SLCO5A1: variants seen among roughly 807,000 people sequenced by gnomAD.
SLCO5A1 encodes organic anion transporter polypeptide-related protein 4.
A neutral mutation model predicts 65.1 loss-of-function variants in SLCO5A1; 39 were observed. The ratio of observed to expected loss-of-function variants is 0.60; its 90% CI spans 0.46 to 0.78. SLCO5A1 has a LOEUF of 0.78. SLCO5A1 is among the 30% of genes least tolerant of loss of function. The pLI is 0.00. For missense variants in SLCO5A1, 1,029 were observed against 1,069.4 expected (o/e 0.96, Z 0.53); for synonymous variants, 438 against 415.7 (o/e 1.05, Z -0.65).
intron 4 of SLCO5A1, among the ~76,000 whole-genome samples, chr8:69,753,128 C>T (rs552919469): frequency 2.0e-5 from 3 of 152,196 alleles, no homozygotes; most frequent in Non-Finnish European, 4.4e-5. Context: ...AGGAGAAGGC[C>T]CTGAGACAAG....
chr8:69,806,020 A>G (rs866173852), intron 2 of SLCO5A1, among the ~76,000 whole-genome samples: 3 of 152,224 alleles, frequency 2.0e-5, no homozygotes, highest in Non-Finnish European at 2.9e-5. Flanking sequence ...TAAAAAATGC[A>G]GATTCTAGAT....
At chr8:69,752,069 A>G (rs946031165) in intron 4 of SLCO5A1, among the ~76,000 whole-genome samples, 2 of 152,068 alleles carry the variant, frequency 1.3e-5, no homozygotes, top group Non-Finnish European at 2.9e-5. Context: ...CATCTGTACA[A>G]AAGATGCAAA....
intron 6 of SLCO5A1, among the ~76,000 whole-genome samples, chr8:69,698,639 G>T (rs1435990911): frequency 2.6e-5 from 4 of 152,156 alleles, no homozygotes; most frequent in African/African-American, 9.7e-5. Flanking sequence ...ATGCTTGTTG[G>T]CTGTGTGTAT....
Position 69,750,594 on chromosome 8 carries a change from C to T in SLCO5A1, c.1258+4830G>A, listed in dbSNP as rs192332428. Among the ~76,000 whole-genome samples the T allele has an allele frequency of 2.0e-5, 3 of 152,254 alleles. No homozygotes were observed. The East Asian group carries it at 5.8e-4, about 30-fold the overall frequency. ...GCACATTCAAATACATCTACACAGT[C>T]CCAGTTTTCTGGCCTTTGCTCTCTC... On this transcript the variant is annotated intron_variant, in intron 4 of 9. Transcript: ENST00000260126.
intron 5 of SLCO5A1, among the ~76,000 whole-genome samples, chr8:69,721,847 C>CA (rs1395338784): frequency 1.3e-5 from 2 of 151,778 alleles, no homozygotes; most frequent in South Asian, 2.1e-4. Context: ...AGGTACACAC[C>CA]AAAAAAATAA....
At chr8:69,758,048 A>G (rs187346621) in intron 3 of SLCO5A1, among the ~76,000 whole-genome samples, 5 of 152,306 alleles carry the variant, frequency 3.3e-5, no homozygotes, top group African/African-American at 1.2e-4. Context: ...GTGGGGTATT[A>G]AGTATGTTTG....
At chr8:69,768,992 G>A (rs534970840) in intron 2 of SLCO5A1, among the ~76,000 whole-genome samples, 2 of 152,174 alleles carry the variant, frequency 1.3e-5, no homozygotes, top group East Asian at 1.9e-4. Context: ...TCACTCAGTC[G>A]GCACACTGAC....
chr8:69,814,151 AC>A (rs1820316046), intron 2 of SLCO5A1, among the ~76,000 whole-genome samples: 1 of 152,182 alleles, frequency 6.6e-6, no homozygotes, highest in African/African-American at 2.4e-5. Flanking sequence ...TTTGAATATG[AC>A]CCCAAAAGTG....
At chr8:69,674,858 TAA>T (rs201701403) in intron 9 of SLCO5A1, among the ~76,000 whole-genome samples, 1 of 74,292 alleles carries the variant, frequency 1.3e-5, no homozygotes, top group Non-Finnish European at 3.0e-5. Flanking sequence ...CCATCTCTAC[TAA>T]AAAAAAAAAC....
At chr8:69,782,928 T>C (rs1293678358) in intron 2 of SLCO5A1, among the ~76,000 whole-genome samples, 1 of 152,228 alleles carries the variant, frequency 6.6e-6, no homozygotes, top group Non-Finnish European at 1.5e-5. Context: ...CAGCTGTCTG[T>C]GTAGGTCTCT....
intron 6 of SLCO5A1, among the ~76,000 whole-genome samples, chr8:69,685,936 G>A (rs1487044650): frequency 6.6e-6 from 1 of 151,268 alleles, no homozygotes; most frequent in Non-Finnish European, 1.5e-5. Context: ...TTCTGCTATA[G>A]GGTCATTACA....
chr8:69,831,802 T>C lies in SLCO5A1; in HGVS notation c.872A>G (p.Asp291Gly). The change falls in exon 2 of 10, where the codon GAC (aspartate) becomes GGC (glycine). Residue 291 changes from aspartate (D) to glycine (G), a missense_variant. This residue lies in a region of SLCO5A1 where 647 missense variants were observed against 647.5 expected (regional missense o/e 1.00). Transcript: ENST00000260126. The part of the protein sequence containing the change: ...IYTLGPTYLD[D>G]NVKKENSSLY... The stretch of plus-strand genomic sequence containing the variant: ...GGAGGAGTTTTCTTTCTTGACATTG[T>C]CATCTAAGTAGGTTGGTCCCAGGGT... The C allele has an allele frequency of 1.9e-6, 3 of 1,614,060 alleles. No homozygotes were observed. Among genetic ancestry groups the C allele is most frequent in the Non-Finnish European group, 2.5e-6 (3 of 1,180,006 alleles).
At position 69,673,115 on chromosome 8, in the gene SLCO5A1, C is replaced by A; in HGVS notation, c.2301G>T (p.Leu767=). The A allele has an allele frequency of 6.2e-7, 1 of 1,614,254 alleles. No individual in the cohort carries two copies. The highest frequency in any genetic ancestry group is 8.5e-7 in the Non-Finnish European group (1 of 1,180,048). The change falls in exon 10 of 10, where the codon CTG becomes CTT. Residue 767 remains leucine (L), a synonymous_variant. Coordinates refer to ENST00000260126, the MANE Select transcript of SLCO5A1 (RefSeq NM_030958.3). ...WYSIKYKEDG[L]QRRRQREFPL... is the part of the protein sequence containing the mutation. ...GAAATTCTCTCTGCCTCCGCCTCTG[C>A]AGTCCATCCTCCTTGTATTTTATGG... is the stretch of plus-strand genomic sequence containing the variant.
intron 2 of SLCO5A1, among the ~76,000 whole-genome samples, chr8:69,769,856 C>T (rs531827124): frequency 2.0e-4 from 31 of 152,150 alleles, no homozygotes; most frequent in South Asian, 8.3e-4. Flanking sequence ...TTAAATTAAA[C>T]TTTAGGGTTT....
intron 5 of SLCO5A1, among the ~76,000 whole-genome samples, chr8:69,736,179 A>G (rs1816544750): frequency 6.6e-6 from 1 of 152,236 alleles, no homozygotes; most frequent in Non-Finnish European, 1.5e-5. Context: ...GCCTTATTCA[A>G]TCCTGCACTT....
In SLCO5A1 at chr8:69,755,419, T is replaced by C. The variant is rs1412122781; in HGVS notation, c.1258+5A>G. 1 of 1,612,066 alleles carries C rather than the reference T, an allele frequency of 6.2e-7. No homozygotes were observed. Among genetic ancestry groups the C allele is most frequent in the Admixed American group, 1.7e-5 (1 of 59,996 alleles). ...GCATGTATTTATTCAAGAGGTATAC[T>C]TTACCTCTGACATCCTTTCCAAATC... is the stretch of plus-strand genomic sequence containing the variant. On this transcript the variant is annotated splice_donor_5th_base_variant and intron_variant, in intron 4 of 9. Transcript: ENST00000260126.
chr8:69,667,837 T>C lies in SLCO5A1; in HGVS notation c.*5032A>G, dbSNP rs1438106957. 6.6e-6 allele frequency: 1 copy of C among 152,256 alleles called. No homozygotes were observed. Among genetic ancestry groups the C allele is most frequent in the Non-Finnish European group, 1.5e-5 (1 of 68,042 alleles). The allele number at this position is 152,256 out of a possible 1,614,324, so 9.4% of individuals were successfully genotyped here. A position where few individuals can be genotyped will look rare whatever the true frequency, so the allele number is the denominator to read the frequency against. On this transcript the variant is annotated 3_prime_UTR_variant, in exon 10 of 10. Coordinates refer to ENST00000260126, the MANE Select transcript of SLCO5A1 (RefSeq NM_030958.3). ...AATATCAAAAGCACTGAGTATTCCA[T>C]AGAAAAGTATCCCCCCTTTCACGCT...
intron 4 of SLCO5A1, among the ~76,000 whole-genome samples, chr8:69,741,360 G>A (rs949153192): frequency 1.3e-5 from 2 of 152,092 alleles, no homozygotes; most frequent in African/African-American, 2.4e-5. Flanking sequence ...TACATAAAGC[G>A]AGGTCATGTA....
chr8:69,676,923 G>A (rs1813569766), intron 8 of SLCO5A1, among the ~76,000 whole-genome samples: 1 of 152,142 alleles, frequency 6.6e-6, no homozygotes. Context: ...ACTGGTAGAG[G>A]GTTAAAGGCT....
Sources: allele counts gnomAD v4.1 joint callset (sites outside exome capture counted in the v4.1 genomes callset), GRCh38; gene constraint gnomAD v4.1.1; regional missense constraint gnomAD v4.1.1; transcripts MANE v1.5; gene names NCBI Gene and HGNC (gene_info 2026-07-23, HGNC 2026-07-21).